The following TTC27 variants were observed in gnomAD, a reference collection of about 807,000 sequenced individuals.
The protein encoded by TTC27 is tetratricopeptide repeat domain 27.
In TTC27, 79 loss-of-function variants were observed where a neutral mutation model predicts 115.9. The ratio of observed to expected loss-of-function variants is 0.68; its 90% confidence interval spans 0.57 to 0.82. The LOEUF (loss-of-function observed/expected upper bound fraction) is 0.82, where lower values mean the gene tolerates loss of function less well. TTC27 is among the 40% of genes least tolerant of loss of function. TTC27 has a pLI of 0.00. For missense variants in TTC27, 1,054 were observed against 993.1 expected, an observed-to-expected ratio of 1.06 and a Z score of -0.82; for synonymous variants, 401 against 356.0, an observed-to-expected ratio of 1.13 and a Z score of -1.42.
chr2:32,709,897 A>G (rs1029190775), intron 10 of TTC27, among the ~76,000 whole-genome samples: 4 of 152,244 alleles, frequency 2.6e-5, no homozygotes, highest in African/African-American at 7.2e-5. Flanking sequence ...TTACACTAAA[A>G]CTGTAAAATG....
At chr2:32,786,816 G>A (rs955549216) in intron 15 of TTC27, among the ~76,000 whole-genome samples, 168 bp from the exon 16 acceptor site, 2 of 152,186 alleles carry the variant, frequency 1.3e-5, no homozygotes, top group African/African-American at 2.4e-5. Flanking sequence ...ACTGAATTTT[G>A]TAGGGAAGTT....
intron 4 of TTC27, among the ~76,000 whole-genome samples, chr2:32,649,502 A>C (rs1173471219): frequency 2.6e-5 from 4 of 151,802 alleles, no homozygotes; most frequent in Non-Finnish European, 1.5e-5. Context: ...TGGTACTCGG[A>C]TTAAAGTGGT....
At chr2:32,696,058 G>C (rs1360044599) in intron 9 of TTC27, among the ~76,000 whole-genome samples, 2 of 150,066 alleles carry the variant, frequency 1.3e-5, no homozygotes, top group Non-Finnish European at 3.0e-5. Context: ...GGGAGGTGGA[G>C]GTTGCAGTGA....
chr2:32,808,388 C>T (rs1267798328), intron 16 of TTC27, among the ~76,000 whole-genome samples: 1 of 152,166 alleles, frequency 6.6e-6, no homozygotes, highest in Admixed American at 6.5e-5. Context: ...AGCTCCAGGC[C>T]CAGCTATTTC....
chr2:32,791,632 T>C (rs993115165), intron 16 of TTC27, among the ~76,000 whole-genome samples: 8 of 152,204 alleles, frequency 5.3e-5, no homozygotes, highest in African/African-American at 1.9e-4. Context: ...TGGGGGAAGA[T>C]TTATGTCAAA....
At chr2:32,781,866 C>A (rs1187319201) in intron 14 of TTC27, among the ~76,000 whole-genome samples, 3 of 152,202 alleles carry the variant, frequency 2.0e-5, no homozygotes, top group Non-Finnish European at 2.9e-5. Flanking sequence ...CACAGTGTGA[C>A]CTCCAAAATC....
chr2:32,820,772 A>C, intron 19 of TTC27, 44 bp from the exon 20 acceptor site: 1 of 1,477,492 alleles, frequency 6.8e-7, no homozygotes, highest in Non-Finnish European at 9.1e-7. Context: ...TTTTAAAGAA[A>C]TTTGTGTTGT....
chr2:32,673,385 C>T (rs1028612277), intron 8 of TTC27, among the ~76,000 whole-genome samples: 28 of 152,106 alleles, frequency 1.8e-4, no homozygotes, highest in South Asian at 6.2e-4. Flanking sequence ...CCACCATGCC[C>T]GGCTAATTTT....
rs563985129 is a variant in TTC27, at chr2:32,631,281, C to T, written c.266+581C>T. On this transcript the variant is annotated intron_variant, in intron 2 of 19. Coordinates refer to ENST00000317907, the MANE Select transcript of TTC27 (RefSeq NM_017735.5). ...TCCCGCCATTGCACTCTAGCCTGGG[C>T]GACAGAGCGAGACTCTGTCTCAAAA... is the stretch of plus-strand genomic sequence containing the variant. 3.4e-4 allele frequency among the ~76,000 whole-genome samples: 52 copies of T among 152,002 alleles called. No individual in the cohort carries two copies. The South Asian group carries it at 9.3e-3, about 27-fold the overall frequency.
chr2:32,786,949 C>A (rs1208026201), intron 15 of TTC27, 35 bp from the exon 16 acceptor site: 2 of 1,553,860 alleles, frequency 1.3e-6, no homozygotes, highest in South Asian at 1.2e-5. Flanking sequence ...AAAAAGAGTT[C>A]ATTATTGCTC....
chr2:32,647,257 C>G (rs1664900546), intron 4 of TTC27, among the ~76,000 whole-genome samples: 1 of 152,046 alleles, frequency 6.6e-6, no homozygotes, highest in South Asian at 2.1e-4. Flanking sequence ...TATGTGTTTT[C>G]TTAAAAGTGA....
chr2:32,666,178 A>C (rs140104402), intron 6 of TTC27, among the ~76,000 whole-genome samples: 2 of 152,294 alleles, frequency 1.3e-5, no homozygotes, highest in African/African-American at 4.8e-5. Flanking sequence ...TCTTACATGA[A>C]GTCAGATAGT....
At chr2:32,786,780 A>G (rs997302366) in intron 15 of TTC27, among the ~76,000 whole-genome samples, 3 of 152,310 alleles carry the variant, frequency 2.0e-5, no homozygotes, top group African/African-American at 7.2e-5. Flanking sequence ...CTCTGTATGT[A>G]TGCTACATAT....
intron 16 of TTC27, among the ~76,000 whole-genome samples, chr2:32,799,134 A>G (rs1455736323): frequency 6.6e-6 from 1 of 152,178 alleles, no homozygotes; most frequent in Non-Finnish European, 1.5e-5. Context: ...AACCAGTCAC[A>G]AAAAAACAAA....
chr2:32,722,622 C>G (rs1667966182), intron 10 of TTC27, among the ~76,000 whole-genome samples: 1 of 152,158 alleles, frequency 6.6e-6, no homozygotes, highest in East Asian at 1.9e-4. Context: ...ATCCACCATG[C>G]CCTACTTTCT....
At chr2:32,628,595 G>T (rs1199904230) in intron 1 of TTC27, among the ~76,000 whole-genome samples, 1 of 152,046 alleles carries the variant, frequency 6.6e-6, no homozygotes, top group Non-Finnish European at 1.5e-5. Flanking sequence ...TAATGACAAT[G>T]GCAATGTCAG....
Position 32,672,312 on chromosome 2 carries a change from A to T in TTC27, c.980A>T (p.Lys327Met). Residue 327 changes from lysine to methionine, a missense_variant, in exon 8 of 20, where the codon AAG (lysine) becomes ATG (methionine). Physicochemically the swap from Lys to Met is moderately conservative, Grantham distance 95. Transcript: ENST00000317907. ...LNDDTILNDI[K>M]LADCEQFQMP... ...GATGACACCATTCTGAATGACATAA[A>T]GTTAGCAGATTGTGAACAGTTCCAG... is the stretch of plus-strand genomic sequence containing the variant. 2 of 1,613,986 alleles carry T rather than the reference A, an allele frequency of 1.2e-6. No homozygotes were observed. The highest frequency in any genetic ancestry group is 1.7e-6 in the Non-Finnish European group (2 of 1,179,898).
chr2:32,650,542 TC>T, intron 5 of TTC27, among the ~76,000 whole-genome samples: 1 of 152,100 alleles, frequency 6.6e-6, no homozygotes, highest in South Asian at 2.1e-4. Context: ...TTTAATATTT[TC>T]TCTGTTCTTT....
At position 32,733,921 on chromosome 2, in the gene TTC27, C is replaced by A; in HGVS notation, c.1327C>A (p.Gln443Lys). 6.2e-7 allele frequency: 1 copy of A among 1,606,792 alleles called. No homozygotes were observed. Among genetic ancestry groups the A allele is most frequent in the Non-Finnish European group, 8.5e-7 (1 of 1,175,348 alleles). ...CCQVPPHWAI[Q>K]RQLASLLFEL... ...TCAAGTACCACCTCACTGGGCCATTCAGGTATTTCTGTTGTTTGTCATTGG... is the reference window on the plus strand; with the variant it reads ...TCAAGTACCACCTCACTGGGCCATTAAGGTATTTCTGTTGTTTGTCATTGG... Residue 443 changes from glutamine (Q) to lysine (K), a missense_variant and splice_region_variant, in exon 11 of 20, where the codon CAG (glutamine) becomes AAG (lysine). Gln to Lys is a moderately conservative substitution (Grantham distance 53). Coordinates refer to ENST00000317907, the MANE Select transcript of TTC27 (RefSeq NM_017735.5).
Sources: gnomAD v4.1 joint callset for allele counts (sites outside exome capture counted in the v4.1 genomes callset) on GRCh38, gnomAD v4.1.1 for gene constraint, MANE v1.5 for transcripts, NCBI Gene and HGNC (gene_info 2026-07-23, HGNC 2026-07-21) for gene names.